COL5A2: variants seen among roughly 807,000 people sequenced by gnomAD.
COL5A2 encodes collagen type V alpha 2 chain.
Under a neutral mutation model 208.2 loss-of-function variants are expected in COL5A2, and 23 were observed. The ratio of observed to expected loss-of-function variants is 0.11; its 90% CI spans 0.08 to 0.16. The LOEUF (loss-of-function observed/expected upper bound fraction) is 0.16, where lower values mean the gene tolerates loss of function less well. Among genes scored for constraint, COL5A2 ranks in the 10% least tolerant of loss-of-function variants. The probability of loss-of-function intolerance (pLI) is 1.00; values close to 1 mark genes in which losing one functional copy is unlikely to be tolerated. For synonymous variants in COL5A2, 625 were observed against 628.5 expected (o/e 0.99, Z 0.08); for missense variants, 1,590 against 1,956.4 (o/e 0.81, Z 3.53).
the COL5A2 span, among the ~76,000 whole-genome samples, chr2:189,319,291 C>A: frequency 6.6e-6 from 1 of 152,258 alleles, no homozygotes; most frequent in South Asian, 2.1e-4. Context: ...CTGGGTTCAT[C>A]TCACTGGGGC....
At chr2:189,068,136 T>C in intron 20 of COL5A2, 23 bp from the exon 21 acceptor site, 1 of 1,606,990 alleles carries the variant, frequency 6.2e-7, no homozygotes, top group African/African-American at 1.3e-5. Flanking sequence ...AAGAGTGATG[T>C]GGTAAGTAGA....
At chr2:189,036,587 T>A in intron 52 of COL5A2, 29 bp downstream of exon 52, 1 of 1,555,204 alleles carries the variant, frequency 6.4e-7, no homozygotes, top group Non-Finnish European at 8.8e-7. Context: ...AAGTAAAGAA[T>A]ACAATTTTAA....
At chr2:189,162,226 AG>A (rs1040945627) in intron 1 of COL5A2, among the ~76,000 whole-genome samples, 1 of 152,294 alleles carries the variant, frequency 6.6e-6, no homozygotes, top group African/African-American at 2.4e-5. Flanking sequence ...ACTTCTTGGG[AG>A]TAAGAATTAA....
the COL5A2 span, among the ~76,000 whole-genome samples, chr2:189,348,297 T>C: frequency 6.6e-6 from 1 of 152,182 alleles, no homozygotes; most frequent in African/African-American, 2.4e-5. Flanking sequence ...GGCTCATTTA[T>C]ATGAACCCAC....
chr2:189,193,096 A>C (rs969698872), intron 1 of COL5A2, among the ~76,000 whole-genome samples: 1 of 152,178 alleles, frequency 6.6e-6, no homozygotes, highest in Non-Finnish European at 1.5e-5. Context: ...TTGATCTTGG[A>C]TTTCTCAGCC....
chr2:189,342,640 AACACACAC>A, the COL5A2 span, among the ~76,000 whole-genome samples: 3,481 of 143,428 alleles, frequency 0.024, 54 homozygotes, highest in Admixed American at 0.029. Flanking sequence ...AGAGAGCTAA[AACACACAC>A]ACACACACAC....
Position 189,069,034 on chromosome 2 carries a change from T to G in COL5A2, c.1159-150A>C, listed in dbSNP as rs1357425129. ...CAAGAGATGCGTGCCCAACCAAGCT[T>G]AAGGAGCGCACTCACTTTCCCACTT... On this transcript the variant is annotated intron_variant, in intron 18 of 53. Coordinates refer to ENST00000374866, the MANE Select transcript of COL5A2 (RefSeq NM_000393.5). 3 of 676,662 alleles carry G rather than the reference T, an allele frequency of 4.4e-6. No homozygotes were observed. In the Admixed American group the frequency reaches 6.4e-5, roughly 15 times the overall value. 41.9% of individuals were successfully genotyped at this position (676,662 alleles called of 1,614,324 possible).
the COL5A2 span, among the ~76,000 whole-genome samples, chr2:189,362,799 A>C: frequency 1.2e-4 from 18 of 152,138 alleles, no homozygotes; most frequent in African/African-American, 4.3e-4. Context: ...AAAATAGAGA[A>C]GACAGTCCTT....
chr2:189,350,622 A>G, the COL5A2 span, among the ~76,000 whole-genome samples: 663 of 152,254 alleles, frequency 4.4e-3, 2 homozygotes, highest in African/African-American at 0.016. Context: ...CTTTGTGACT[A>G]ATTATGTTTG....
the COL5A2 span, among the ~76,000 whole-genome samples, chr2:189,369,640 G>C: frequency 6.6e-6 from 1 of 152,026 alleles, no homozygotes. Context: ...AAGGACATTT[G>C]TACTGATAAA....
chr2:189,347,368 G>A, the COL5A2 span, among the ~76,000 whole-genome samples: 1 of 152,186 alleles, frequency 6.6e-6, no homozygotes, highest in Non-Finnish European at 1.5e-5. Context: ...ACAGAAAGCA[G>A]AAAGAGGGAG....
At chr2:189,093,483 C>T (rs1225199277) in intron 6 of COL5A2, among the ~76,000 whole-genome samples, 1 of 152,068 alleles carries the variant, frequency 6.6e-6, no homozygotes, top group African/African-American at 2.4e-5. Context: ...AGGACAAGCT[C>T]AGGTGGTGGA....
At chr2:189,375,889 A>C in the COL5A2 span, among the ~76,000 whole-genome samples, 1 of 152,104 alleles carries the variant, frequency 6.6e-6, no homozygotes, top group South Asian at 2.1e-4. Context: ...GAAATCTCCA[A>C]CTCTTGCTGG....
At chr2:189,079,303 T>C (rs1686481881) in intron 14 of COL5A2, among the ~76,000 whole-genome samples, 196 bp from the exon 15 acceptor site, 1 of 152,178 alleles carries the variant, frequency 6.6e-6, no homozygotes, top group Non-Finnish European at 1.5e-5. Flanking sequence ...GAAATACATC[T>C]AAAATAATAT....
upstream of COL5A2, among the ~76,000 whole-genome samples, chr2:189,183,527 C>T (rs955428275): frequency 6.6e-6 from 1 of 152,148 alleles, no homozygotes; most frequent in Non-Finnish European, 1.5e-5. Context: ...AAACATCTCC[C>T]ACTGGAGAAG....
At chr2:189,361,594 A>G in the COL5A2 span, among the ~76,000 whole-genome samples, 1 of 151,640 alleles carries the variant, frequency 6.6e-6, no homozygotes, top group East Asian at 1.9e-4. Flanking sequence ...TAGAGAATTT[A>G]ATCAATTTAC....
In COL5A2 at chr2:189,033,837, ACCTAAACTGTTGT is replaced by A; in HGVS notation, c.*220_*232del. ...TGGTCATTGTCATTGGTCATCTTAAACCTAAACTGTTGTATTGAAAAATATTTAAAATCAATTA... is the reference window on the plus strand; with the variant it reads ...TGGTCATTGTCATTGGTCATCTTAAAATTGAAAAATATTTAAAATCAATTA... On this transcript the variant is annotated 3_prime_UTR_variant, in exon 54 of 54. Coordinates refer to ENST00000374866, the MANE Select transcript of COL5A2 (RefSeq NM_000393.5). 1.7e-6 allele frequency: 1 copy of A among 574,934 alleles called. No individual in the cohort carries two copies. The allele number at this position is 574,934 out of a possible 1,614,324, so 35.6% of individuals were successfully genotyped here.
At chr2:189,378,141 C>T in the COL5A2 span, among the ~76,000 whole-genome samples, 1 of 152,192 alleles carries the variant, frequency 6.6e-6, no homozygotes, top group African/African-American at 2.4e-5. Context: ...ATCTTCCCTT[C>T]ATTTACTCCT....
chr2:189,262,888 G>T, the COL5A2 span, among the ~76,000 whole-genome samples: 2 of 152,010 alleles, frequency 1.3e-5, no homozygotes. Context: ...GATGCATTCT[G>T]ATATTCAACA....
Sources: allele counts gnomAD v4.1 joint callset (sites outside exome capture counted in the v4.1 genomes callset), GRCh38; gene constraint gnomAD v4.1.1; transcripts MANE v1.5; gene names NCBI Gene and HGNC (gene_info 2026-07-23, HGNC 2026-07-21).